Variants in RNF220 observed in about 807,000 individuals in gnomAD.
The protein encoded by RNF220 is ring finger protein 220.
A neutral mutation model predicts 67.1 loss-of-function variants in RNF220; 7 were observed. The ratio of observed to expected loss-of-function variants is 0.10; its 90% CI spans 0.06 to 0.20. The LOEUF is 0.20. RNF220 is among the 10% of genes least tolerant of loss of function. The probability of loss-of-function intolerance (pLI) is 1.00; values close to 1 mark genes in which losing one functional copy is unlikely to be tolerated. For synonymous variants in RNF220, 270 were observed against 283.2 expected (o/e 0.95, Z 0.47); for missense variants, 565 against 740.3 (o/e 0.76, Z 2.75).
intron 2 of RNF220, among the ~76,000 whole-genome samples, chr1:44,509,513 G>T (rs1658753543): frequency 6.7e-6 from 1 of 148,378 alleles, no homozygotes; most frequent in Admixed American, 6.8e-5. Flanking sequence ...TCATGCCACT[G>T]CCCTCCAGCC....
intron 2 of RNF220, among the ~76,000 whole-genome samples, chr1:44,506,325 G>A (rs1658420398): frequency 1.3e-5 from 2 of 152,258 alleles, no homozygotes; most frequent in South Asian, 2.1e-4. Flanking sequence ...TAGTGGGAGA[G>A]AGCGATGGTC....
chr1:44,536,863 CAGT>C, intron 2 of RNF220, among the ~76,000 whole-genome samples: 1 of 152,160 alleles, frequency 6.6e-6, no homozygotes, highest in South Asian at 2.1e-4. Context: ...TACTAATGAG[CAGT>C]TATATATCAG....
intron 2 of RNF220, among the ~76,000 whole-genome samples, chr1:44,596,007 GC>G (rs769716701): frequency 3.3e-5 from 5 of 152,070 alleles, no homozygotes; most frequent in Non-Finnish European, 7.4e-5. Context: ...CTCATGATCC[GC>G]CCATCTCAGC....
At chr1:44,609,439 C>A (rs1667505257) in intron 2 of RNF220, among the ~76,000 whole-genome samples, 1 of 152,188 alleles carries the variant, frequency 6.6e-6, no homozygotes, top group Non-Finnish European at 1.5e-5. Flanking sequence ...GGCAATCACA[C>A]GGTGGGGAGC....
Position 44,649,063 on chromosome 1 carries a change from T to C in RNF220, c.1446-598T>C, listed in dbSNP as rs1644722096. 6.2e-6 allele frequency: 1 copy of C among 160,406 alleles called. No homozygotes were observed. Among genetic ancestry groups the C allele is most frequent in the South Asian group, 1.7e-4 (1 of 5,744 alleles). The allele number at this position is 160,406 out of a possible 1,614,324, so 9.9% of individuals were successfully genotyped here. A position where few individuals can be genotyped will look rare whatever the true frequency, so the allele number is the denominator to read the frequency against. ...GCAGAGGCCAAGGCAGTGAAAAAGG[T>C]GGCGTGGATGGTGACACATAGGAGT... On this transcript the variant is annotated intron_variant, in intron 12 of 14. Transcript: ENST00000361799. The surrounding 1 kb of genome is among the most constrained non-coding windows in gnomAD (Gnocchi z 5.9).
intron 2 of RNF220, among the ~76,000 whole-genome samples, chr1:44,480,762 T>G (rs183071975): frequency 2.5e-4 from 38 of 152,302 alleles, no homozygotes; most frequent in African/African-American, 8.7e-4. Context: ...GGGGCACGCC[T>G]GCAGTCCCAG....
At chr1:44,517,829 A>AGGTAC (rs1024250311) in intron 2 of RNF220, among the ~76,000 whole-genome samples, 8 of 152,396 alleles carry the variant, frequency 5.2e-5, no homozygotes, top group African/African-American at 1.9e-4. Flanking sequence ...CTCTAGGGCC[A>AGGTAC]GGTACGGTGG....
chr1:44,481,244 G>T (rs1655781886), intron 2 of RNF220, among the ~76,000 whole-genome samples: 1 of 152,094 alleles, frequency 6.6e-6, no homozygotes. Flanking sequence ...GAAACATAGT[G>T]AGACTCCATC....
At chr1:44,464,354 T>A (rs377640631) in intron 2 of RNF220, among the ~76,000 whole-genome samples, 41 of 152,356 alleles carry the variant, frequency 2.7e-4, no homozygotes, top group African/African-American at 8.9e-4. Context: ...GTTCTTCTCA[T>A]GGTGAGAGGC....
chr1:44,494,056 A>C (rs1657101125), intron 2 of RNF220, among the ~76,000 whole-genome samples: 2 of 152,024 alleles, frequency 1.3e-5, no homozygotes. Context: ...AAAATACAAA[A>C]TTAGCCGGGC....
At chr1:44,414,731 G>A (rs922965429) in intron 2 of RNF220, among the ~76,000 whole-genome samples, 1 of 152,086 alleles carries the variant, frequency 6.6e-6, no homozygotes, top group Non-Finnish European at 1.5e-5. Context: ...CTGATCAGAA[G>A]GGTGGGGAAA....
At chr1:44,432,037 T>A (rs1650433218) in intron 2 of RNF220, among the ~76,000 whole-genome samples, 1 of 152,232 alleles carries the variant, frequency 6.6e-6, no homozygotes, top group Non-Finnish European at 1.5e-5. Flanking sequence ...ACCAACTACT[T>A]CATCCTTCTT....
chr1:44,526,605 A>G (rs1233321315), intron 2 of RNF220, among the ~76,000 whole-genome samples: 2 of 151,852 alleles, frequency 1.3e-5, no homozygotes, highest in Non-Finnish European at 2.9e-5. Context: ...TCCTCCTTCA[A>G]TCTGGCACCA....
intron 1 of RNF220, among the ~76,000 whole-genome samples, chr1:44,408,206 G>A (rs1387976228): frequency 1.3e-5 from 2 of 151,938 alleles, no homozygotes; most frequent in South Asian, 2.1e-4. Flanking sequence ...AGACTCTTCC[G>A]AGCTGAATAA....
chr1:44,482,154 T>A (rs762857831), intron 2 of RNF220, among the ~76,000 whole-genome samples: 57 of 152,338 alleles, frequency 3.7e-4, no homozygotes, highest in South Asian at 3.1e-3. Context: ...GTTTCTCAAC[T>A]TACAAGTAGC....
At chr1:44,590,833 G>A (rs929681031) in intron 2 of RNF220, among the ~76,000 whole-genome samples, 2 of 152,182 alleles carry the variant, frequency 1.3e-5, no homozygotes, top group African/African-American at 4.8e-5. Flanking sequence ...GGGGGCTAGA[G>A]GACACACAAT....
intron 2 of RNF220, among the ~76,000 whole-genome samples, chr1:44,561,237 C>T (rs568041388): frequency 3.3e-5 from 5 of 152,278 alleles, no homozygotes; most frequent in South Asian, 2.1e-4. Flanking sequence ...CGTGGCTGGG[C>T]GCGGTGGCTC....
At chr1:44,511,905 G>GCGTGTGTGTA (rs1224553980) in intron 2 of RNF220, among the ~76,000 whole-genome samples, 29 of 117,516 alleles carry the variant, frequency 2.5e-4, no homozygotes, top group African/African-American at 1.0e-3. Flanking sequence ...AAATTGAGAA[G>GCGTGTGTGTA]CGTGTGTGTG....
intron 2 of RNF220, among the ~76,000 whole-genome samples, chr1:44,490,343 G>A (rs572279407): frequency 9.1e-4 from 139 of 151,936 alleles, no homozygotes; most frequent in Non-Finnish European, 1.5e-3. Flanking sequence ...GGTGGCGAGC[G>A]CCTGTAATCC....
Sources: gnomAD v4.1 joint callset for allele counts (sites outside exome capture counted in the v4.1 genomes callset) on GRCh38, gnomAD v4.1.1 for gene constraint, Gnocchi (gnomAD v3.1) non-coding constraint, MANE v1.5 for transcripts, NCBI Gene and HGNC (gene_info 2026-07-23, HGNC 2026-07-21) for gene names.